The following TRIM9 variants were observed in gnomAD, a reference collection of about 807,000 sequenced individuals.
The protein encoded by TRIM9 is tripartite motif containing 9.
A neutral mutation model predicts 78.3 loss-of-function variants in TRIM9; 26 were observed. That is an observed-to-expected ratio of 0.33 (90% CI 0.24 to 0.46). The LOEUF (loss-of-function observed/expected upper bound fraction) is 0.46. TRIM9 is among the 20% of genes least tolerant of loss of function. The pLI is 1.00. For missense variants in TRIM9, 787 were observed against 1,036.4 expected (o/e 0.76, Z 3.30); for synonymous variants, 398 against 416.5 (o/e 0.96, Z 0.54).
At chr14:51,053,262 C>T (rs1364003392) in intron 1 of TRIM9, among the ~76,000 whole-genome samples, 1 of 151,486 alleles carries the variant, frequency 6.6e-6, no homozygotes, top group African/African-American at 2.4e-5. Flanking sequence ...ACACAGAGCA[C>T]TTTTATTTCA....
intron 7 of TRIM9, among the ~76,000 whole-genome samples, chr14:50,994,946 A>C (rs2054007506): frequency 6.6e-6 from 1 of 152,190 alleles, no homozygotes; most frequent in African/African-American, 2.4e-5. Context: ...TCTTTGATAC[A>C]TCTCCAGGAA....
chr14:50,977,985 A>G (rs2139259213), intron 12 of TRIM9, among the ~76,000 whole-genome samples: 1 of 152,076 alleles, frequency 6.6e-6, no homozygotes, highest in African/African-American at 2.4e-5. Context: ...AAGAGCATCT[A>G]GTATAATATT....
intron 6 of TRIM9, 72 bp from the exon 7 acceptor site, chr14:50,998,260 C>T (rs1369249390): frequency 6.7e-7 from 1 of 1,488,610 alleles, no homozygotes; most frequent in Non-Finnish European, 9.3e-7. Context: ...CAGTGTCGCT[C>T]AGTGGTTAGG....
chr14:51,027,142 T>C (rs1474628810), intron 1 of TRIM9, among the ~76,000 whole-genome samples: 1 of 50,452 alleles, frequency 2.0e-5, no homozygotes, highest in Non-Finnish European at 3.9e-5. Context: ...CTTTTTTTTT[T>C]TTTTTTTTTT....
chr14:50,983,491 T>C, intron 8 of TRIM9, 70 bp from the exon 9 acceptor site: 2 of 1,228,090 alleles, frequency 1.6e-6, no homozygotes, highest in South Asian at 1.6e-5. Flanking sequence ...TTGTATACGC[T>C]TAAAAAGCAC....
intron 1 of TRIM9, among the ~76,000 whole-genome samples, chr14:51,064,197 G>A (rs1264602514): frequency 2.0e-5 from 3 of 152,020 alleles, no homozygotes; most frequent in African/African-American, 4.8e-5. Flanking sequence ...GACTATGATC[G>A]ATTAAGAACA....
At chr14:51,048,197 A>C (rs374837100) in intron 1 of TRIM9, among the ~76,000 whole-genome samples, 27 of 152,282 alleles carry the variant, frequency 1.8e-4, no homozygotes, top group African/African-American at 5.1e-4. Flanking sequence ...AGTTTCCTAA[A>C]AGCTTTGGGA....
At chr14:51,053,124 C>A (rs1043564079) in intron 1 of TRIM9, among the ~76,000 whole-genome samples, 33 of 146,702 alleles carry the variant, frequency 2.2e-4, no homozygotes, top group African/African-American at 8.3e-4. Flanking sequence ...TGTGCCACTG[C>A]ATTCCAGCCT....
chr14:50,995,563 A>G (rs1004996016), intron 7 of TRIM9, among the ~76,000 whole-genome samples: 1 of 152,262 alleles, frequency 6.6e-6, no homozygotes, highest in Non-Finnish European at 1.5e-5. Flanking sequence ...AAGCTCACAG[A>G]GTACAAAAGA....
At chr14:51,089,748 T>C (rs531689817) in intron 1 of TRIM9, among the ~76,000 whole-genome samples, 20 of 152,208 alleles carry the variant, frequency 1.3e-4, no homozygotes, top group Non-Finnish European at 2.2e-4. Context: ...CTCACTCTTT[T>C]AGGCCACCTT....
In TRIM9 at chr14:51,025,216, G is replaced by A. The variant is rs751963919; in HGVS notation, c.918+49C>T. The A allele has an allele frequency of 1.3e-5, 19 of 1,499,776 alleles. No individual in the cohort carries two copies. In the East Asian group the frequency reaches 4.3e-4, roughly 34 times the overall value. 92.9% of individuals were successfully genotyped at this position (1,499,776 alleles called of 1,614,324 possible). A position where few individuals can be genotyped will look rare whatever the true frequency, so the allele number is the denominator to read the frequency against. On this transcript the variant is annotated intron_variant, in intron 2 of 12. Transcript: ENST00000684578. ...GAGAAGGAAACTCTCCCGCCACACA[G>A]TTACGTATTAACCGGCGGGTTTCCT... is the stretch of plus-strand genomic sequence containing the variant.
At position 50,981,961 on chromosome 14, in the gene TRIM9, C is replaced by A. The variant is rs1290642274; in HGVS notation, c.2001G>T (p.Glu667Asp). 6.2e-7 allele frequency: 1 copy of A among 1,614,224 alleles called. No individual in the cohort carries two copies. The highest frequency in any genetic ancestry group is 8.5e-7 in the Non-Finnish European group (1 of 1,180,042). ...GGTTGTCATAGCGATCTACCGTGAG[C>A]TCCCAGTAGTGGATGCCCTTGGAGA... ...TGFSKGIHYWELTVDRYDNHP... is the reference protein window; with the variant it reads ...TGFSKGIHYWDLTVDRYDNHP... The change falls in exon 11 of 13, where the codon GAG (glutamate) becomes GAT (aspartate). Residue 667 changes from glutamate to aspartate, a missense_variant. Physicochemically the swap from Glu to Asp is conservative, Grantham distance 45. This residue lies in a region of TRIM9 where 421 missense variants were observed against 514.3 expected (regional missense o/e 0.82). Coordinates refer to ENST00000684578, the MANE Select transcript of TRIM9 (RefSeq NM_001387360.1).
At chr14:51,036,348 T>A (rs1477778616) in intron 1 of TRIM9, among the ~76,000 whole-genome samples, 1 of 152,242 alleles carries the variant, frequency 6.6e-6, no homozygotes, top group Non-Finnish European at 1.5e-5. Context: ...TGTATATACT[T>A]CAAGCTTGTC....
At chr14:51,059,724 G>C (rs2061177515) in intron 1 of TRIM9, among the ~76,000 whole-genome samples, 2 of 151,832 alleles carry the variant, frequency 1.3e-5, no homozygotes, top group South Asian at 2.1e-4. Flanking sequence ...CTTGAACCTG[G>C]GAGGCAGAGG....
At chr14:51,041,917 A>G (rs1018218534) in intron 1 of TRIM9, among the ~76,000 whole-genome samples, 9 of 152,234 alleles carry the variant, frequency 5.9e-5, no homozygotes, top group African/African-American at 2.2e-4. Flanking sequence ...AAATTAATAA[A>G]CTGAATTCCA....
At chr14:51,078,718 G>T (rs1315818040) in intron 1 of TRIM9, among the ~76,000 whole-genome samples, 1 of 152,160 alleles carries the variant, frequency 6.6e-6, no homozygotes, top group Non-Finnish European at 1.5e-5. Flanking sequence ...TACAGAGATA[G>T]AGAATAAAAT....
At chr14:51,031,147 CAAAAAA>C (rs1210514761) in intron 1 of TRIM9, among the ~76,000 whole-genome samples, 4 of 100,748 alleles carry the variant, frequency 4.0e-5, no homozygotes, top group African/African-American at 8.0e-5. Flanking sequence ...AAACTCTTTC[CAAAAAA>C]AAAAAAAAAA....
chr14:50,997,788 C>T (rs987972074), intron 7 of TRIM9: 3 of 1,365,584 alleles, frequency 2.2e-6, no homozygotes, highest in Non-Finnish European at 2.8e-6. Context: ...GCTTCTTCAA[C>T]TGCAGCTTAT....
chr14:51,093,083 G>C (rs959867530), intron 1 of TRIM9, among the ~76,000 whole-genome samples: 1 of 152,262 alleles, frequency 6.6e-6, no homozygotes, highest in African/African-American at 2.4e-5. Context: ...AGCAGAGGGA[G>C]TAAGTGGGAG....
Sources: allele counts gnomAD v4.1 joint callset (sites outside exome capture counted in the v4.1 genomes callset), GRCh38; gene constraint gnomAD v4.1.1; regional missense constraint gnomAD v4.1.1; transcripts MANE v1.5; gene names NCBI Gene and HGNC (gene_info 2026-07-23, HGNC 2026-07-21).